The following RSU1 variants were observed in gnomAD, a reference collection of about 807,000 sequenced individuals.
RSU1 encodes Ras suppressor protein 1.
Under a neutral mutation model 31.1 loss-of-function variants are expected in RSU1, and 26 were observed. The ratio of observed to expected loss-of-function variants is 0.84; its 90% CI spans 0.61 to 1.16. RSU1 has a LOEUF of 1.16. RSU1 is among the 50% of genes most tolerant of loss of function. The probability of loss-of-function intolerance (pLI) is 0.00; values close to 1 mark genes in which losing one functional copy is unlikely to be tolerated. For synonymous variants in RSU1, 164 were observed against 136.3 expected (o/e 1.20, Z -1.41); for missense variants, 320 against 339.1 (o/e 0.94, Z 0.44).
intron 8 of RSU1, among the ~76,000 whole-genome samples, chr10:16,675,193 T>C (rs1224676936): frequency 1.5e-5 from 2 of 130,638 alleles, no homozygotes; most frequent in African/African-American, 5.8e-5. Flanking sequence ...AGAGCGAGAC[T>C]CTGTCTCAAA....
rs567168405 is a variant in RSU1, at chr10:16,746,391, A to G, written c.598+6148T>C. 2.0e-5 allele frequency among the ~76,000 whole-genome samples: 3 copies of G among 151,996 alleles called. No homozygotes were observed. The South Asian group carries it at 6.2e-4, about 32-fold the overall frequency. On this transcript the variant is annotated intron_variant, in intron 7 of 8. Coordinates refer to ENST00000345264, the MANE Select transcript of RSU1 (RefSeq NM_012425.4). ...GTTGCATGCCGAGCAGACCAATGTGATTTTTTTTCCCTCTTCTCCAAAGGC... is the reference window on the plus strand; with the variant it reads ...GTTGCATGCCGAGCAGACCAATGTGGTTTTTTTTCCCTCTTCTCCAAAGGC...
chr10:16,725,282 A>G (rs1386577854), intron 7 of RSU1, among the ~76,000 whole-genome samples: 2 of 152,166 alleles, frequency 1.3e-5, no homozygotes, highest in Non-Finnish European at 2.9e-5. Flanking sequence ...TAAGTGGGCA[A>G]CTCAAGTTAG....
chr10:16,701,042 G>A (rs558661964), intron 7 of RSU1, among the ~76,000 whole-genome samples: 1 of 152,264 alleles, frequency 6.6e-6, no homozygotes, highest in East Asian at 1.9e-4. Context: ...TCAAATAAGG[G>A]AAATATTAAT....
chr10:16,645,138 T>C (rs1834513190), intron 8 of RSU1, among the ~76,000 whole-genome samples: 1 of 152,242 alleles, frequency 6.6e-6, no homozygotes, highest in Non-Finnish European at 1.5e-5. Context: ...TCATTTTATA[T>C]GGCTTTCTAA....
intron 8 of RSU1, among the ~76,000 whole-genome samples, chr10:16,625,097 T>A (rs1315338037): frequency 6.6e-6 from 1 of 152,194 alleles, no homozygotes; most frequent in Non-Finnish European, 1.5e-5. Flanking sequence ...TTTATTAATA[T>A]AATAAACAAA....
chr10:16,619,176 G>T (rs1022192657), intron 8 of RSU1, among the ~76,000 whole-genome samples: 1 of 152,164 alleles, frequency 6.6e-6, no homozygotes, highest in African/African-American at 2.4e-5. Flanking sequence ...CAAGACAGAT[G>T]GAAGCCTGCT....
At chr10:16,800,674 GAAC>G (rs775950284) in intron 2 of RSU1, among the ~76,000 whole-genome samples, 23 of 152,140 alleles carry the variant, frequency 1.5e-4, no homozygotes, top group Non-Finnish European at 2.8e-4. Flanking sequence ...ATTCTATAAA[GAAC>G]AACAAGAAGG....
At chr10:16,693,342 G>A (rs1033748491) in intron 8 of RSU1, among the ~76,000 whole-genome samples, 7 of 152,176 alleles carry the variant, frequency 4.6e-5, no homozygotes, top group Admixed American at 4.6e-4. Flanking sequence ...CAGGAGCATG[G>A]CGCTCAGGCT....
intron 8 of RSU1, among the ~76,000 whole-genome samples, chr10:16,688,331 T>C (rs1314181786): frequency 6.6e-6 from 1 of 151,990 alleles, no homozygotes; most frequent in Non-Finnish European, 1.5e-5. Context: ...TATAGGCCAG[T>C]AGTGGTGGCT....
chr10:16,674,493 CAG>C (rs1285328665), intron 8 of RSU1, among the ~76,000 whole-genome samples: 60 of 149,580 alleles, frequency 4.0e-4, no homozygotes, highest in East Asian at 2.4e-3. Context: ...ATCGAATATT[CAG>C]AGAGTCCACT....
At chr10:16,656,242 T>C (rs1231567438) in intron 8 of RSU1, among the ~76,000 whole-genome samples, 1 of 152,198 alleles carries the variant, frequency 6.6e-6, no homozygotes, top group East Asian at 1.9e-4. Flanking sequence ...TTTGTTTCCA[T>C]ACAGATTTGC....
chr10:16,680,705 G>C (rs931538103), intron 8 of RSU1, among the ~76,000 whole-genome samples: 3 of 152,120 alleles, frequency 2.0e-5, no homozygotes, highest in African/African-American at 4.8e-5. Flanking sequence ...CCAAGAGGAC[G>C]GCAAAAGCCA....
At chr10:16,733,646 T>C (rs749661586) in intron 7 of RSU1, among the ~76,000 whole-genome samples, 3 of 152,184 alleles carry the variant, frequency 2.0e-5, no homozygotes, top group Admixed American at 6.5e-5. Flanking sequence ...AAAGAACTGT[T>C]ATAAAGGCTA....
At chr10:16,796,371 T>TGGGAGAAGAG (rs1423366093) in intron 2 of RSU1, among the ~76,000 whole-genome samples, 35 of 152,298 alleles carry the variant, frequency 2.3e-4, no homozygotes, top group African/African-American at 8.4e-4. Context: ...ACGTCTTCAC[T>TGGGAGAAGAG]GTGTGTGATG....
chr10:16,787,179 C>T (rs1245060231), intron 2 of RSU1, among the ~76,000 whole-genome samples: 2 of 152,178 alleles, frequency 1.3e-5, no homozygotes, highest in African/African-American at 4.8e-5. Context: ...TCTTGGGTCA[C>T]TGATGCTGGC....
chr10:16,743,426 C>T (rs955885650), intron 7 of RSU1, among the ~76,000 whole-genome samples: 2 of 152,208 alleles, frequency 1.3e-5, no homozygotes, highest in African/African-American at 4.8e-5. Context: ...TCCTTGCCTA[C>T]ATTATACAAC....
intron 4 of RSU1, among the ~76,000 whole-genome samples, chr10:16,761,802 G>C (rs1029921733): frequency 1.3e-5 from 2 of 152,128 alleles, no homozygotes; most frequent in Admixed American, 6.5e-5. Flanking sequence ...CTTGCAGTGA[G>C]CCAAGATTGT....
chr10:16,715,562 G>C (rs1006147579), intron 7 of RSU1, among the ~76,000 whole-genome samples: 1 of 152,136 alleles, frequency 6.6e-6, no homozygotes, highest in Non-Finnish European at 1.5e-5. Context: ...TAACAAGACT[G>C]TCTTTTCCCC....
At chr10:16,760,793 G>A (rs185666384) in intron 4 of RSU1, among the ~76,000 whole-genome samples, 3 of 152,076 alleles carry the variant, frequency 2.0e-5, no homozygotes, top group South Asian at 2.1e-4. Flanking sequence ...CATGAAGCTC[G>A]TCTTCTTATT....
Sources: allele counts gnomAD v4.1 joint callset (sites outside exome capture counted in the v4.1 genomes callset), GRCh38; gene constraint gnomAD v4.1.1; transcripts MANE v1.5; gene names NCBI Gene and HGNC (gene_info 2026-07-23, HGNC 2026-07-21).